SLC35F1: variants seen among roughly 807,000 people sequenced by gnomAD.
SLC35F1 encodes the protein chromosome 6 open reading frame 169.
In SLC35F1, 14 loss-of-function variants were observed where a neutral mutation model predicts 48.7. The ratio of observed to expected loss-of-function variants is 0.29; its 90% CI spans 0.19 to 0.45. SLC35F1 has a LOEUF of 0.45. SLC35F1 is among the 20% of genes least tolerant of loss of function. The pLI is 1.00. For synonymous variants in SLC35F1, 190 were observed against 202.2 expected, an observed-to-expected ratio of 0.94 and a Z score of 0.51; for missense variants, 404 against 500.0, an observed-to-expected ratio of 0.81 and a Z score of 1.83.
chr6:118,306,309 T>C (rs949050226), intron 7 of SLC35F1, among the ~76,000 whole-genome samples: 1 of 152,204 alleles, frequency 6.6e-6, no homozygotes, highest in Non-Finnish European at 1.5e-5. Context: ...ATTTTGCTAG[T>C]GGCTAACAGG....
chr6:118,156,831 G>C (rs1774151627), intron 2 of SLC35F1, among the ~76,000 whole-genome samples: 1 of 151,940 alleles, frequency 6.6e-6, no homozygotes, highest in African/African-American at 2.4e-5. Context: ...TTGAGTTCTT[G>C]TACATCTCAC....
chr6:118,237,082 G>C (rs1775375009), intron 3 of SLC35F1, among the ~76,000 whole-genome samples: 1 of 151,966 alleles, frequency 6.6e-6, no homozygotes, highest in Admixed American at 6.6e-5. Context: ...AAAATATATT[G>C]GGGGATACTC....
chr6:118,182,091 C>A (rs184081553), intron 2 of SLC35F1, among the ~76,000 whole-genome samples: 4 of 151,970 alleles, frequency 2.6e-5, no homozygotes, highest in Admixed American at 2.0e-4. Flanking sequence ...ATTATTTTTT[C>A]CACTCTTTTT....
intron 7 of SLC35F1, among the ~76,000 whole-genome samples, chr6:118,295,244 T>C (rs1776170046): frequency 6.6e-6 from 1 of 152,182 alleles, no homozygotes; most frequent in East Asian, 1.9e-4. Flanking sequence ...TATTATGTAT[T>C]AAATTTAAAA....
At chr6:118,286,688 C>T (rs1776052649) in intron 7 of SLC35F1, among the ~76,000 whole-genome samples, 1 of 152,062 alleles carries the variant, frequency 6.6e-6, no homozygotes, top group African/African-American at 2.4e-5. Context: ...AGATGTACAA[C>T]ATGATTTTTG....
chr6:118,022,622 G>A (rs537785102), intron 1 of SLC35F1, among the ~76,000 whole-genome samples: 1 of 152,234 alleles, frequency 6.6e-6, no homozygotes, highest in Admixed American at 6.5e-5. Context: ...GGAAACTGCT[G>A]AAATAGCTGT....
intron 1 of SLC35F1, among the ~76,000 whole-genome samples, chr6:118,117,706 TA>T (rs915280558): frequency 2.0e-5 from 3 of 152,176 alleles, no homozygotes; most frequent in African/African-American, 2.4e-5. Context: ...TTCATCCCCC[TA>T]AAAAGATTCC....
chr6:118,207,625 G>C (rs1774952733), intron 2 of SLC35F1, among the ~76,000 whole-genome samples: 1 of 152,158 alleles, frequency 6.6e-6, no homozygotes, highest in Non-Finnish European at 1.5e-5. Flanking sequence ...GTTCAGAAGA[G>C]GGAGGAAAGT....
At chr6:118,099,512 C>T (rs1234021984) in intron 1 of SLC35F1, among the ~76,000 whole-genome samples, 2 of 151,782 alleles carry the variant, frequency 1.3e-5, no homozygotes, top group Admixed American at 6.6e-5. Context: ...TCCTTCTCCT[C>T]CCTCTCTCCT....
At chr6:118,026,676 A>C (rs1771951832) in intron 1 of SLC35F1, among the ~76,000 whole-genome samples, 1 of 152,240 alleles carries the variant, frequency 6.6e-6, no homozygotes, top group South Asian at 2.1e-4. Context: ...AAGTGTCATT[A>C]AGCTGGTATT....
At chr6:117,985,260 TAAG>T (rs1439045524) in intron 1 of SLC35F1, among the ~76,000 whole-genome samples, 2 of 152,220 alleles carry the variant, frequency 1.3e-5, no homozygotes, top group Non-Finnish European at 2.9e-5. Context: ...AATCACAGGA[TAAG>T]AATATCCTGA....
At chr6:118,130,287 G>A (rs1773690747) in intron 1 of SLC35F1, among the ~76,000 whole-genome samples, 1 of 152,142 alleles carries the variant, frequency 6.6e-6, no homozygotes, top group South Asian at 2.1e-4. Flanking sequence ...AGCTATTAAT[G>A]TTAGTAGTCT....
In SLC35F1 at chr6:118,307,666, A is replaced by G. The variant is rs79103278; in HGVS notation, c.1003-6362A>G. ...ATCTTGTTGGTCTAGTGCAGAGCCA[A>G]AATTAGGAGGTCAGGCATCAACTTG... On this transcript the variant is annotated intron_variant, in intron 7 of 7. Coordinates refer to ENST00000360388, the MANE Select transcript of SLC35F1 (RefSeq NM_001029858.4). Among the ~76,000 whole-genome samples the G allele has an allele frequency of 5.1e-3, 778 of 152,286 alleles. 9 individuals are homozygous for G. The highest frequency in any genetic ancestry group is 0.018 in the African/African-American group (746 of 41,564).
At position 118,279,309 on chromosome 6, in the gene SLC35F1, G is replaced by A. The variant is rs1409368643; in HGVS notation, c.847+1763G>A. ...AATTATTATGTATCAATAAAAAATGGCCTCAAAGGGGAATCAAATACTCAT... is the reference window on the plus strand; with the variant it reads ...AATTATTATGTATCAATAAAAAATGACCTCAAAGGGGAATCAAATACTCAT... On this transcript the variant is annotated intron_variant, in intron 6 of 7. Transcript: ENST00000360388. Among the ~76,000 whole-genome samples the A allele has an allele frequency of 2.0e-5, 3 of 152,194 alleles. No homozygotes were observed. The East Asian group carries it at 5.8e-4, about 29-fold the overall frequency.
At chr6:118,018,398 G>T (rs1777350740) in intron 1 of SLC35F1, among the ~76,000 whole-genome samples, 1 of 151,848 alleles carries the variant, frequency 6.6e-6, no homozygotes, top group Non-Finnish European at 1.5e-5. Flanking sequence ...AGAAAAAAAG[G>T]CATAATAATT....
rs193138473 is a variant in SLC35F1, at chr6:118,078,312, C to T, written c.174-76133C>T. Among the ~76,000 whole-genome samples, 19 of 152,068 alleles carry T rather than the reference C, an allele frequency of 1.2e-4. No homozygotes were observed. In the South Asian group the frequency reaches 3.1e-3, roughly 25 times the overall value. ...CATAGACCACTAATAAAAAATAGAACGGATGGAATTTGGGGGCAGCAATTT... is the reference window on the plus strand; with the variant it reads ...CATAGACCACTAATAAAAAATAGAATGGATGGAATTTGGGGGCAGCAATTT... On this transcript the variant is annotated intron_variant, in intron 1 of 7. Coordinates refer to ENST00000360388, the MANE Select transcript of SLC35F1 (RefSeq NM_001029858.4).
chr6:118,284,544 A>T (rs1192713657), intron 6 of SLC35F1, among the ~76,000 whole-genome samples: 2 of 152,206 alleles, frequency 1.3e-5, no homozygotes, highest in Admixed American at 6.5e-5. Context: ...AGTTCACAGT[A>T]TGCCAGGACA....
intron 1 of SLC35F1, among the ~76,000 whole-genome samples, chr6:118,048,859 A>T (rs1772340193): frequency 6.6e-6 from 1 of 152,198 alleles, no homozygotes; most frequent in Admixed American, 6.5e-5. Context: ...ATTGGAAAAA[A>T]CTACTTTAAA....
chr6:117,922,666 G>C (rs578084783), intron 1 of SLC35F1, among the ~76,000 whole-genome samples: 11 of 152,192 alleles, frequency 7.2e-5, no homozygotes, highest in Non-Finnish European at 1.3e-4. Flanking sequence ...TTACTTGAAG[G>C]CATCTTTAGA....
Sources: allele counts gnomAD v4.1 joint callset (sites outside exome capture counted in the v4.1 genomes callset), GRCh38; gene constraint gnomAD v4.1.1; transcripts MANE v1.5; gene names NCBI Gene and HGNC (gene_info 2026-07-23, HGNC 2026-07-21).